The following CCDC158 variants were observed in gnomAD, a reference collection of about 807,000 sequenced individuals.
The protein encoded by CCDC158 is coiled-coil domain-containing protein 158.
In CCDC158, 116 loss-of-function variants were observed where a neutral mutation model predicts 138.6. That is an observed-to-expected ratio of 0.84 (90% confidence interval 0.72 to 0.98). The LOEUF (loss-of-function observed/expected upper bound fraction) is 0.98. Ranked by LOEUF, CCDC158 falls within the 50% of genes least tolerant of loss-of-function variation. CCDC158 has a pLI of 0.00. For synonymous variants in CCDC158, 436 were observed against 442.4 expected, an observed-to-expected ratio of 0.99 and a Z score of 0.18; for missense variants, 1,265 against 1,306.1, an observed-to-expected ratio of 0.97 and a Z score of 0.48.
chr4:76,348,043 G>T (rs1160535761), intron 18 of CCDC158, among the ~76,000 whole-genome samples: 1 of 152,054 alleles, frequency 6.6e-6, no homozygotes, highest in African/African-American at 2.4e-5. Flanking sequence ...TTCAGCATTT[G>T]GTGAGGAGCT....
chr4:76,383,221 T>C (rs1000449256), intron 7 of CCDC158, among the ~76,000 whole-genome samples: 2 of 152,198 alleles, frequency 1.3e-5, no homozygotes, highest in African/African-American at 2.4e-5. Context: ...AGCAAGAATC[T>C]TGCCAAGTCA....
rs1202689066 is a variant in CCDC158 at position 76,367,525 on chromosome 4, C to CAATTTCA, written c.1598_1599insTGAAATT (p.Gln534GlufsTer8). 6.2e-7 allele frequency: 1 copy of CAATTTCA among 1,614,050 alleles called. No homozygotes were observed. Among genetic ancestry groups the CAATTTCA allele is most frequent in the South Asian group, 1.1e-5 (1 of 91,082 alleles). On this transcript the variant is annotated frameshift_variant, in exon 12 of 25. Transcript: ENST00000682701. LOFTEE classifies it high-confidence loss of function. ...GATCCCCTTCATTTTTCAAGTGTTG[C>CAATTTCA]AGCTCCTGCAATTTCAAGTCCACCC...
chr4:76,407,315 T>TAAGTAAG (rs1333152542), intron 2 of CCDC158: 5 of 152,264 alleles, frequency 3.3e-5, no homozygotes, highest in Non-Finnish European at 7.4e-5. Flanking sequence ...CTATCGTTTT[T>TAAGTAAG]TAGGAAGTAA....
rs370966044 is a variant in CCDC158 at position 76,384,070 on chromosome 4, A to G, written c.726+18T>C. 2.0e-6 allele frequency: 3 copies of G among 1,476,220 alleles called. No homozygotes were observed. The highest frequency in any genetic ancestry group is 2.8e-6 in the Non-Finnish European group (3 of 1,070,152). The allele number at this position is 1,476,220 out of a possible 1,614,324, so 91.4% of individuals were successfully genotyped here. On this transcript the variant is annotated intron_variant, in intron 6 of 24. Transcript: ENST00000682701. ...CATTTTAATATAAAATTATTTAAGTAGCATTCTCACCACTTACTGGAAATA... is the reference window on the plus strand; with the variant it reads ...CATTTTAATATAAAATTATTTAAGTGGCATTCTCACCACTTACTGGAAATA...
At chr4:76,323,852 G>C (rs1017103151) in intron 23 of CCDC158, among the ~76,000 whole-genome samples, 14 of 152,180 alleles carry the variant, frequency 9.2e-5, no homozygotes. Flanking sequence ...CGTTAGTTCT[G>C]TCACCTAACG....
At chr4:76,346,708 CA>C (rs1050221109) in intron 18 of CCDC158, among the ~76,000 whole-genome samples, 1 of 151,244 alleles carries the variant, frequency 6.6e-6, no homozygotes, top group Admixed American at 6.6e-5. Context: ...GACTCCGTCT[CA>C]AAAAAAAGAA....
chr4:76,384,858 C>G (rs1726641986), intron 4 of CCDC158, among the ~76,000 whole-genome samples, 193 bp from the exon 5 acceptor site: 1 of 152,222 alleles, frequency 6.6e-6, no homozygotes, highest in East Asian at 1.9e-4. Flanking sequence ...CTCCCTGTAT[C>G]AAGCTTGACC....
intron 8 of CCDC158, among the ~76,000 whole-genome samples, chr4:76,379,669 G>A (rs893527387): frequency 6.6e-6 from 1 of 151,564 alleles, no homozygotes; most frequent in African/African-American, 2.4e-5. Context: ...CATATAAAAA[G>A]TTTTAACATA....
chr4:76,368,659 A>G (rs1024149809), intron 11 of CCDC158, among the ~76,000 whole-genome samples: 3 of 152,130 alleles, frequency 2.0e-5, no homozygotes, highest in African/African-American at 4.8e-5. Context: ...AATGGAATGC[A>G]CTCATCAGTC....
At chr4:76,347,299 T>C (rs1322158447) in intron 18 of CCDC158, among the ~76,000 whole-genome samples, 1 of 152,104 alleles carries the variant, frequency 6.6e-6, no homozygotes, top group African/African-American at 2.4e-5. Flanking sequence ...AATGATAGAC[T>C]GGATAATGTG....
At chr4:76,327,890 G>C (rs1172011324) in intron 22 of CCDC158, among the ~76,000 whole-genome samples, 2 of 152,146 alleles carry the variant, frequency 1.3e-5, no homozygotes, top group African/African-American at 4.8e-5. Context: ...TCCATAGGAA[G>C]ACCAATTACG....
chr4:76,421,572 T>A (rs1730130169), upstream of CCDC158, among the ~76,000 whole-genome samples: 2 of 151,788 alleles, frequency 1.3e-5, no homozygotes, highest in African/African-American at 4.8e-5. Flanking sequence ...CCCAGATAAC[T>A]CACTGACCCG....
At chr4:76,382,840 T>G (rs1396466813) in intron 7 of CCDC158, 120 bp from the exon 8 acceptor site, 2 of 626,504 alleles carry the variant, frequency 3.2e-6, no homozygotes, top group East Asian at 2.8e-5. Context: ...CTTTTGTATA[T>G]GCTACTCTTT....
Position 76,323,412 on chromosome 4 carries a change from AT to A in CCDC158, c.3170-4del. Reference sequence around the variant, plus strand: ...TTCTATTGGCGGAGACTGTGAATCTATTAGAAAATTGCTTAGATGTGATATT... The same window carrying A: ...TTCTATTGGCGGAGACTGTGAATCTATAGAAAATTGCTTAGATGTGATATT... On this transcript the variant is annotated splice_polypyrimidine_tract_variant and splice_region_variant and intron_variant, in intron 23 of 24. Coordinates refer to ENST00000682701, the MANE Select transcript of CCDC158 (RefSeq NM_001394954.1). 6.2e-7 allele frequency: 1 copy of A among 1,603,558 alleles called. No homozygotes were observed. The highest frequency in any genetic ancestry group is 8.5e-7 in the Non-Finnish European group (1 of 1,173,840).
intron 4 of CCDC158, among the ~76,000 whole-genome samples, chr4:76,388,349 G>A (rs977198127): frequency 2.0e-5 from 3 of 152,142 alleles, no homozygotes; most frequent in Admixed American, 6.5e-5. Flanking sequence ...TGTGTCAGAA[G>A]GGAACCTAGT....
At chr4:76,345,924 T>C (rs919582443) in intron 18 of CCDC158, among the ~76,000 whole-genome samples, 2 of 151,860 alleles carry the variant, frequency 1.3e-5, no homozygotes, top group African/African-American at 4.9e-5. Flanking sequence ...AAAGAGCCCA[T>C]ATGGTCAAAA....
chr4:76,322,452 G>C (rs574704715), intron 24 of CCDC158, among the ~76,000 whole-genome samples: 1 of 152,172 alleles, frequency 6.6e-6, no homozygotes, highest in Non-Finnish European at 1.5e-5. Context: ...AAAATTACAT[G>C]AAGAAAACGC....
At chr4:76,406,289 A>G (rs376486348) in intron 2 of CCDC158, among the ~76,000 whole-genome samples, 177 of 152,346 alleles carry the variant, frequency 1.2e-3, no homozygotes, top group African/African-American at 4.2e-3. Flanking sequence ...TGCACAATAA[A>G]GATATGTACC....
intron 12 of CCDC158, 65 bp downstream of exon 12, chr4:76,367,229 A>T (rs1295760472): frequency 2.0e-6 from 3 of 1,527,602 alleles, no homozygotes; most frequent in Non-Finnish European, 2.6e-6. Context: ...ACCACTTTTC[A>T]GTACAGGTCA....
Sources: gnomAD v4.1 joint callset for allele counts (sites outside exome capture counted in the v4.1 genomes callset) on GRCh38, gnomAD v4.1.1 for gene constraint, MANE v1.5 for transcripts, NCBI Gene and HGNC (gene_info 2026-07-23, HGNC 2026-07-21) for gene names.